The following DCAF4 variants were observed in gnomAD, a reference collection of about 807,000 sequenced individuals.
The protein encoded by DCAF4 is DDB1- and CUL4-associated factor 4.
A neutral mutation model predicts 60.9 loss-of-function variants in DCAF4; 37 were observed. The ratio of observed to expected loss-of-function variants is 0.61; its 90% CI spans 0.47 to 0.80. DCAF4 has a LOEUF of 0.80. DCAF4 is among the 30% of genes least tolerant of loss of function. The pLI is 0.00. For synonymous variants in DCAF4, 243 were observed against 254.8 expected, an observed-to-expected ratio of 0.95 and a Z score of 0.44; for missense variants, 577 against 650.0, an observed-to-expected ratio of 0.89 and a Z score of 1.22.
chr14:72,943,140 T>C (rs1434305112), intron 6 of DCAF4, 44 bp downstream of exon 6: 2 of 1,571,958 alleles, frequency 1.3e-6, no homozygotes, highest in South Asian at 1.1e-5. Flanking sequence ...GCTGCCACCC[T>C]CTGGACACTT....
chr14:72,948,498 CAT>C (rs1384609869), intron 8 of DCAF4, among the ~76,000 whole-genome samples: 3 of 152,160 alleles, frequency 2.0e-5, no homozygotes, highest in African/African-American at 2.4e-5. Context: ...GGACTGACCA[CAT>C]GTTACTATGA....
At position 72,959,095 on chromosome 14, in the gene DCAF4, AAAGGACTTTTCT is replaced by A; in HGVS notation, c.*298_*309del. The A allele has an allele frequency of 9.1e-7, 1 of 1,093,688 alleles. No individual in the cohort carries two copies. The highest frequency in any genetic ancestry group is 1.6e-5 in the African/African-American group (1 of 61,042). The allele number at this position is 1,093,688 out of a possible 1,614,324, so 67.7% of individuals were successfully genotyped here. Reference sequence around the variant, plus strand: ...AACCCTCCCTGCCTTTTCTTAACAAAAAGGACTTTTCTAAGGACTGAAGATTGGCAAAAACGA... The same window carrying A: ...AACCCTCCCTGCCTTTTCTTAACAAAAAGGACTGAAGATTGGCAAAAACGA... On this transcript the variant is annotated 3_prime_UTR_variant, in exon 14 of 14. Coordinates refer to ENST00000358377, the MANE Select transcript of DCAF4 (RefSeq NM_015604.4).
In DCAF4 at chr14:72,958,802, C is replaced by G; in HGVS notation, c.1485C>G (p.Ser495Arg). 1 of 1,556,592 alleles carries G rather than the reference C, an allele frequency of 6.4e-7. No homozygotes were observed. The highest frequency in any genetic ancestry group is 8.7e-7 in the Non-Finnish European group (1 of 1,154,256). ...VGQDLYCYSY[S>R] ...AGGACCTTTACTGTTACTCCTACAG[C>G]TAATTCTGCAGGGCACAGCCCAGAG... Residue 495 changes from serine to arginine, a missense_variant, in exon 14 of 14, where the codon AGC becomes AGG. Physicochemically the swap from Ser to Arg is moderately radical, Grantham distance 110. Transcript: ENST00000358377.
At chr14:72,960,882 C>CTT (rs376184952), downstream of DCAF4, 19 of 145,834 alleles carry the variant, frequency 1.3e-4, no homozygotes, top group Non-Finnish European at 2.5e-4. Flanking sequence ...CCCCCCCCAC[C>CTT]TTTTTTTTTT....
intron 1 of DCAF4, among the ~76,000 whole-genome samples, chr14:72,930,802 T>G (rs140539405): frequency 7.9e-5 from 12 of 152,306 alleles, no homozygotes; most frequent in African/African-American, 2.9e-4. Context: ...TGGTATGAAG[T>G]AAGGATCCAA....
downstream of DCAF4, among the ~76,000 whole-genome samples, chr14:72,960,202 GCT>G (rs1291412785): frequency 6.6e-6 from 1 of 151,324 alleles, no homozygotes; most frequent in Non-Finnish European, 1.5e-5. Context: ...TGTTGCCCAG[GCT>G]GGAGTGCAAT....
intron 1 of DCAF4, chr14:72,929,775 G>A: frequency 2.8e-6 from 3 of 1,062,172 alleles, no homozygotes; most frequent in South Asian, 1.3e-5. Context: ...CAGCTCGTAC[G>A]AAGCGAAGCC....
intron 4 of DCAF4, 143 bp from the exon 5 acceptor site, chr14:72,941,602 C>T: frequency 1.4e-6 from 1 of 722,236 alleles, no homozygotes; most frequent in Non-Finnish European, 2.3e-6. Context: ...TTGGAAAGGA[C>T]ACCGTCAGAT....
chr14:72,929,771 G>C (rs1421481071), intron 1 of DCAF4: 6 of 1,051,148 alleles, frequency 5.7e-6, no homozygotes, highest in Middle Eastern at 3.0e-4. Flanking sequence ...CGCGCAGCTC[G>C]TACGAAGCGA....
intron 1 of DCAF4, among the ~76,000 whole-genome samples, chr14:72,928,274 A>G (rs1183347230): frequency 1.5e-5 from 2 of 136,836 alleles, no homozygotes; most frequent in African/African-American, 5.6e-5. Context: ...GCTCACCGCA[A>G]CCTCCGCCTC....
chr14:72,948,976 A>G (rs954331213), intron 8 of DCAF4, among the ~76,000 whole-genome samples: 2 of 152,254 alleles, frequency 1.3e-5, no homozygotes, highest in Non-Finnish European at 2.9e-5. Flanking sequence ...AACAGTAACT[A>G]ACATGCACAT....
chr14:72,938,119 A>G, intron 2 of DCAF4, 49 bp downstream of exon 2: 3 of 1,553,024 alleles, frequency 1.9e-6, no homozygotes, highest in South Asian at 1.2e-5. Flanking sequence ...TGCTTCTGGC[A>G]TTGTACACAT....
chr14:72,938,246 G>A (rs1420611414), intron 2 of DCAF4, among the ~76,000 whole-genome samples, 176 bp downstream of exon 2: 2 of 152,100 alleles, frequency 1.3e-5, no homozygotes, highest in African/African-American at 4.8e-5. Flanking sequence ...GTGCTCCCAG[G>A]GCATGTCGCT....
At chr14:72,928,145 C>A (rs1001278020) in intron 1 of DCAF4, among the ~76,000 whole-genome samples, 3 of 138,134 alleles carry the variant, frequency 2.2e-5, no homozygotes, top group South Asian at 4.6e-4. Context: ...GTGGCGTTAG[C>A]GTTTTGCACA....
chr14:72,939,963 T>C, intron 3 of DCAF4, 61 bp downstream of exon 3: 2 of 1,448,718 alleles, frequency 1.4e-6, no homozygotes, highest in Non-Finnish European at 1.9e-6. Context: ...TGAGACCCGT[T>C]CCTGGCTTGG....
At chr14:72,948,354 A>G (rs2140272649) in intron 8 of DCAF4, among the ~76,000 whole-genome samples, 1 of 152,294 alleles carries the variant, frequency 6.6e-6, no homozygotes, top group East Asian at 1.9e-4. Context: ...CACCCAGCTT[A>G]CATTTCAAAG....
At position 72,943,004 on chromosome 14, in the gene DCAF4, G is replaced by A. The variant is rs1446161053; in HGVS notation, c.442G>A (p.Glu148Lys). 2.5e-6 allele frequency: 4 copies of A among 1,614,118 alleles called. No homozygotes were observed. Among genetic ancestry groups the A allele is most frequent in the Non-Finnish European group, 2.5e-6 (3 of 1,179,996 alleles). Residue 148 changes from glutamate to lysine, a missense_variant, in exon 6 of 14, where the codon GAG (glutamate) becomes AAG (lysine). Physicochemically the swap from Glu to Lys is moderately conservative, Grantham distance 56. Transcript: ENST00000358377. ...CCTCTGTTTCTGCAGTTTAGCCCAC[G>A]AGCTGCGTCTCAGCTGCATGGAGAG... ...NVTNYCHLAH[E>K]LRLSCMERKK...
intron 1 of DCAF4, among the ~76,000 whole-genome samples, chr14:72,934,617 C>T (rs1444592359): frequency 6.6e-6 from 1 of 152,146 alleles, no homozygotes; most frequent in Non-Finnish European, 1.5e-5. Context: ...CTTCAGACTG[C>T]ACTTATCTCC....
At chr14:72,946,406 A>G (rs1416498435) in intron 7 of DCAF4, among the ~76,000 whole-genome samples, 1 of 152,120 alleles carries the variant, frequency 6.6e-6, no homozygotes, top group South Asian at 2.1e-4. Flanking sequence ...CCCTGTCTCA[A>G]AAAAATGGAT....
Sources: gnomAD v4.1 joint callset for allele counts (sites outside exome capture counted in the v4.1 genomes callset) on GRCh38, gnomAD v4.1.1 for gene constraint, MANE v1.5 for transcripts, NCBI Gene and HGNC (gene_info 2026-07-23, HGNC 2026-07-21) for gene names.